EXOSC7: variants seen among roughly 807,000 people sequenced by gnomAD.
EXOSC7 encodes the protein exosome complex component RRP42.
Under a neutral mutation model 34.3 loss-of-function variants are expected in EXOSC7, and 25 were observed. That is an observed-to-expected ratio of 0.73 (90% CI 0.53 to 1.02). The LOEUF (loss-of-function observed/expected upper bound fraction) is 1.02. Ranked by LOEUF, EXOSC7 falls within the 50% of genes least tolerant of loss-of-function variation. The pLI, the probability that EXOSC7 is intolerant of heterozygous loss-of-function variation, is 0.00. For synonymous variants in EXOSC7, 130 were observed against 143.0 expected (o/e 0.91, Z 0.65); for missense variants, 370 against 368.5 (o/e 1.00, Z -0.03).
Position 44,976,307 on chromosome 3 carries a change from G to C in EXOSC7, c.30G>C (p.Glu10Asp), listed in dbSNP as rs1180163730. The C allele has an allele frequency of 6.4e-7, 1 of 1,566,038 alleles. No homozygotes were observed. Among genetic ancestry groups the C allele is most frequent in the Non-Finnish European group, 8.6e-7 (1 of 1,162,586 alleles). Residue 10 changes from glutamate to aspartate, a missense_variant, in exon 1 of 8, where the codon GAG becomes GAC. Around this residue, in one of 3 missense-constraint regions of EXOSC7, gnomAD observed 95 missense variants for 79.8 expected, o/e 1.19. Coordinates refer to ENST00000265564, the MANE Select transcript of EXOSC7 (RefSeq NM_015004.4). ...CGTCCGTGACGCTGAGCGAGGCGGAGAAGGTGTACATCGTGCATGGCGTCC... is the reference window on the plus strand; with the variant it reads ...CGTCCGTGACGCTGAGCGAGGCGGACAAGGTGTACATCGTGCATGGCGTCC... MASVTLSEAEKVYIVHGVQE... is the reference protein window; with the variant it reads MASVTLSEADKVYIVHGVQE...
At chr3:44,997,615 G>C (rs1235495218) in intron 4 of EXOSC7, among the ~76,000 whole-genome samples, 1 of 152,172 alleles carries the variant, frequency 6.6e-6, no homozygotes, top group Non-Finnish European at 1.5e-5. Flanking sequence ...AGGATGATTA[G>C]CTCTTTACAT....
intron 4 of EXOSC7, 68 bp from the exon 5 acceptor site, chr3:45,001,468 ACT>A (rs1706876581): frequency 1.7e-6 from 2 of 1,149,556 alleles, no homozygotes; most frequent in Non-Finnish European, 1.3e-6. Context: ...GTGTCCTTTA[ACT>A]GGGGTAATAC....
intron 4 of EXOSC7, among the ~76,000 whole-genome samples, chr3:44,998,093 T>A (rs183873569): frequency 6.8e-6 from 1 of 148,016 alleles, no homozygotes; most frequent in South Asian, 2.1e-4. Flanking sequence ...TGGAGTGCAA[T>A]GGCGTGATCT....
intron 3 of EXOSC7, among the ~76,000 whole-genome samples, chr3:44,993,668 CTG>C (rs1320805818): frequency 2.0e-5 from 3 of 152,142 alleles, no homozygotes; most frequent in Non-Finnish European, 4.4e-5. Context: ...GGAAGAGGGA[CTG>C]GTCATGCTTT....
chr3:44,977,715 G>GTT (rs1483925752), intron 1 of EXOSC7, among the ~76,000 whole-genome samples: 1 of 152,176 alleles, frequency 6.6e-6, no homozygotes, highest in Non-Finnish European at 1.5e-5. Flanking sequence ...TATCCTCAAA[G>GTT]TATTTTTTTA....
intron 1 of EXOSC7, among the ~76,000 whole-genome samples, chr3:44,986,052 C>T (rs976325557): frequency 6.6e-6 from 1 of 152,216 alleles, no homozygotes; most frequent in African/African-American, 2.4e-5. Context: ...CGGCTGGCTT[C>T]AACCAGTGGA....
At chr3:44,985,383 G>A (rs756850156) in intron 1 of EXOSC7, among the ~76,000 whole-genome samples, 25 of 152,156 alleles carry the variant, frequency 1.6e-4, no homozygotes, top group Non-Finnish European at 2.2e-4. Context: ...GCAGACCCTC[G>A]CGGTGAGTGT....
chr3:45,010,569 GTTTTGT>G (rs1310543897), intron 7 of EXOSC7, among the ~76,000 whole-genome samples: 1 of 152,006 alleles, frequency 6.6e-6, no homozygotes, highest in East Asian at 1.9e-4. Context: ...TTTTTGTTTT[GTTTTGT>G]TTTTGTTTTT....
intron 1 of EXOSC7, among the ~76,000 whole-genome samples, chr3:44,977,672 A>G (rs893615538): frequency 3.9e-5 from 6 of 152,322 alleles, no homozygotes; most frequent in Admixed American, 1.3e-4. Flanking sequence ...TTTCCCTGCT[A>G]TATTTTTGTA....
chr3:44,984,633 TTAAGTGCTA>T (rs1210059638), intron 1 of EXOSC7, among the ~76,000 whole-genome samples: 1 of 152,242 alleles, frequency 6.6e-6, no homozygotes, highest in Non-Finnish European at 1.5e-5. Context: ...GACTTGAGGC[TTAAGTGCTA>T]CTTACTGGCT....
chr3:45,006,324 C>T (rs1707039471), intron 6 of EXOSC7, among the ~76,000 whole-genome samples: 1 of 151,050 alleles, frequency 6.6e-6, no homozygotes, highest in Non-Finnish European at 1.5e-5. Flanking sequence ...GTGATCTGCC[C>T]ACCTCAGCCT....
chr3:45,005,307 G>A lies in EXOSC7; in HGVS notation c.508G>A (p.Val170Ile). 1 of 1,614,186 alleles carries A rather than the reference G, an allele frequency of 6.2e-7. No individual in the cohort carries two copies. The highest frequency in any genetic ancestry group is 1.1e-5 in the South Asian group (1 of 91,086). ...LFNTRIPRVRVLEDEEGSKDI... is the reference protein window; with the variant it reads ...LFNTRIPRVRILEDEEGSKDI... ...TGCTTCCAGGATACCAAGGGTTCGAGTTTTGGAGGATGAAGAGGGGTCGAA... is the reference window on the plus strand; with the variant it reads ...TGCTTCCAGGATACCAAGGGTTCGAATTTTGGAGGATGAAGAGGGGTCGAA... Residue 170 changes from valine (V) to isoleucine (I), a missense_variant, in exon 6 of 8, where the codon GTT becomes ATT. Around this residue, in one of 3 missense-constraint regions of EXOSC7, gnomAD observed 255 missense variants for 246.4 expected, o/e 1.03. Transcript: ENST00000265564.
chr3:44,993,894 T>C (rs974839322), intron 3 of EXOSC7, among the ~76,000 whole-genome samples: 7 of 152,210 alleles, frequency 4.6e-5, no homozygotes, highest in African/African-American at 7.2e-5. Flanking sequence ...CTCCAACATT[T>C]GTTGTCTAGT....
chr3:44,989,460 C>G, intron 2 of EXOSC7, 90 bp from the exon 3 acceptor site: 2 of 1,099,160 alleles, frequency 1.8e-6, no homozygotes, highest in Middle Eastern at 2.0e-4. Flanking sequence ...TAAAAGAGTC[C>G]CCCAGGGGTG....
intron 1 of EXOSC7, among the ~76,000 whole-genome samples, chr3:44,984,433 C>T (rs574103073): frequency 1.3e-5 from 2 of 150,838 alleles, no homozygotes; most frequent in Admixed American, 6.6e-5. Flanking sequence ...CACCACTGCA[C>T]TACAGCCTGG....
intron 1 of EXOSC7, among the ~76,000 whole-genome samples, chr3:44,978,563 T>G (rs1706186204): frequency 6.6e-6 from 1 of 152,142 alleles, no homozygotes. Context: ...TTGTACTGAA[T>G]GCTATGAAGG....
At chr3:44,983,032 G>C (rs1706312824) in intron 1 of EXOSC7, among the ~76,000 whole-genome samples, 1 of 152,184 alleles carries the variant, frequency 6.6e-6, no homozygotes, top group Non-Finnish European at 1.5e-5. Context: ...TATTAGACAA[G>C]TCAAAGCAAG....
In EXOSC7 at chr3:45,001,598, T is replaced by G; in HGVS notation, c.481T>G (p.Phe161Val). 1.2e-6 allele frequency: 2 copies of G among 1,612,016 alleles called. No individual in the cohort carries two copies. Among genetic ancestry groups the G allele is most frequent in the South Asian group, 1.1e-5 (1 of 91,056 alleles). ...TTCCATTGCTGTAAAGGCTGCTCTC[T>G]TCAATACAAGGTAAGTCTTCCTAGA... is the stretch of plus-strand genomic sequence containing the variant. The part of the protein sequence containing the change: ...AISIAVKAAL[F>V]NTRIPRVRVL... Residue 161 changes from phenylalanine to valine, a missense_variant, in exon 5 of 8, where the codon TTC becomes GTC. Phe to Val is a conservative substitution (Grantham distance 50, BLOSUM62 -1). Around this residue, in one of 3 missense-constraint regions of EXOSC7, gnomAD observed 255 missense variants for 246.4 expected, o/e 1.03. Coordinates refer to ENST00000265564, the MANE Select transcript of EXOSC7 (RefSeq NM_015004.4).
chr3:45,008,215 C>T (rs958347097), intron 7 of EXOSC7, among the ~76,000 whole-genome samples: 1 of 152,216 alleles, frequency 6.6e-6, no homozygotes, highest in African/African-American at 2.4e-5. Flanking sequence ...ACCTGTTTCC[C>T]AGACCTTCTT....
Sources: allele counts gnomAD v4.1 joint callset (sites outside exome capture counted in the v4.1 genomes callset), GRCh38; gene constraint gnomAD v4.1.1; regional missense constraint gnomAD v4.1.1; transcripts MANE v1.5; gene names NCBI Gene and HGNC (gene_info 2026-07-23, HGNC 2026-07-21).